Variants in FAM114A2 observed in about 807,000 individuals in gnomAD.
FAM114A2 encodes family with sequence similarity 114 member A2.
In FAM114A2, 53 loss-of-function variants were observed where a neutral mutation model predicts 58.4. The ratio of observed to expected loss-of-function variants is 0.91; its 90% CI spans 0.73 to 1.14. The LOEUF is 1.14. Ranked by LOEUF, FAM114A2 falls within the 50% of genes most tolerant of loss-of-function variation. The pLI, the probability that FAM114A2 is intolerant of heterozygous loss-of-function variation, is 0.00. For missense variants in FAM114A2, 601 were observed against 581.1 expected (o/e 1.03, Z -0.35); for synonymous variants, 228 against 211.4 (o/e 1.08, Z -0.68).
intron 4 of FAM114A2, among the ~76,000 whole-genome samples, chr5:154,030,075 A>G (rs1772080288): frequency 6.6e-6 from 1 of 152,210 alleles, no homozygotes; most frequent in African/African-American, 2.4e-5. Context: ...ATCACAGTGT[A>G]CTATGATTAC....
At chr5:154,006,246 T>G (rs145166163) in intron 9 of FAM114A2, among the ~76,000 whole-genome samples, 1 of 152,294 alleles carries the variant, frequency 6.6e-6, no homozygotes, top group East Asian at 1.9e-4. Context: ...GTGCTGGGGA[T>G]TCAATGGTGA....
At chr5:154,027,774 T>G (rs1296656966) in intron 6 of FAM114A2, among the ~76,000 whole-genome samples, 1 of 152,184 alleles carries the variant, frequency 6.6e-6, no homozygotes, top group East Asian at 1.9e-4. Flanking sequence ...GTGCTGGTAT[T>G]ACAGCCGTGA....
Position 153,993,085 on chromosome 5 carries a change from T to C in FAM114A2, c.1409A>G (p.Gln470Arg), listed in dbSNP as rs1581751323. Reference sequence around the variant, plus strand: ...AGGTAAGAGTAGCTGAAAGGCGTCCTGGATGTAGGAGGCACTGTTTGATGC... The same window carrying C: ...AGGTAAGAGTAGCTGAAAGGCGTCCCGGATGTAGGAGGCACTGTTTGATGC... ...LEASNSASYI[Q>R]DAFQLLLPVL... The change falls in exon 14 of 14, where the codon CAG becomes CGG. Residue 470 changes from glutamine to arginine, a missense_variant. Coordinates refer to ENST00000351797, the MANE Select transcript of FAM114A2 (RefSeq NM_018691.4). 2 of 1,612,268 alleles carry C rather than the reference T, an allele frequency of 1.2e-6. No individual in the cohort carries two copies. The highest frequency in any genetic ancestry group is 8.5e-7 in the Non-Finnish European group (1 of 1,178,920).
intron 2 of FAM114A2, 73 bp from the exon 3 acceptor site, chr5:154,034,450 G>A: frequency 1.1e-6 from 1 of 899,690 alleles, no homozygotes; most frequent in East Asian, 2.5e-5. Context: ...AGAATGTACA[G>A]ACAAGGTATC....
chr5:154,007,117 G>C (rs1330370790), intron 9 of FAM114A2, among the ~76,000 whole-genome samples: 1 of 152,068 alleles, frequency 6.6e-6, no homozygotes, highest in African/African-American at 2.4e-5. Context: ...AGTAGGCATA[G>C]AGCATACCCA....
intron 3 of FAM114A2, 46 bp from the exon 4 acceptor site, chr5:154,033,929 T>A: frequency 1.7e-6 from 2 of 1,205,936 alleles, no homozygotes; most frequent in South Asian, 1.3e-5. Context: ...TCACCAAAAC[T>A]GAAGAAACAA....
intron 1 of FAM114A2, chr5:154,038,367 A>G (rs1772738214): frequency 6.6e-6 from 1 of 152,212 alleles, no homozygotes; most frequent in Non-Finnish European, 1.5e-5. Flanking sequence ...TCCTGCAGCG[A>G]TTGTGGGGAA....
intron 11 of FAM114A2, among the ~76,000 whole-genome samples, chr5:154,000,364 C>A (rs748747098): frequency 1.3e-5 from 2 of 152,098 alleles, no homozygotes; most frequent in Non-Finnish European, 2.9e-5. Flanking sequence ...TGAAATGATA[C>A]CAACATATAG....
intron 13 of FAM114A2, among the ~76,000 whole-genome samples, chr5:153,993,709 T>C (rs2113149342): frequency 6.6e-6 from 1 of 152,046 alleles, no homozygotes; most frequent in Admixed American, 6.6e-5. Context: ...CCCTCACCTT[T>C]CAAAAGAATA....
At chr5:154,003,973 TG>T (rs1215671897) in intron 9 of FAM114A2, among the ~76,000 whole-genome samples, 1 of 152,202 alleles carries the variant, frequency 6.6e-6, no homozygotes, top group African/African-American at 2.4e-5. Flanking sequence ...TCTATACCAT[TG>T]TGTTGCAACT....
At chr5:154,001,339 G>A (rs1769956600) in intron 11 of FAM114A2, among the ~76,000 whole-genome samples, 1 of 152,152 alleles carries the variant, frequency 6.6e-6, no homozygotes, top group African/African-American at 2.4e-5. Context: ...CTAAAAAGGT[G>A]GCATTTGAGT....
intron 8 of FAM114A2, chr5:154,026,195 T>C (rs983210518): frequency 1.6e-5 from 5 of 315,558 alleles, no homozygotes; most frequent in African/African-American, 1.1e-4. Flanking sequence ...CAGGGAGACA[T>C]GGGCATAAGG....
chr5:154,009,382 T>A (rs1243912671), intron 9 of FAM114A2, among the ~76,000 whole-genome samples: 1 of 152,004 alleles, frequency 6.6e-6, no homozygotes, highest in East Asian at 1.9e-4. Context: ...AGCATACTGA[T>A]AACAAATTAA....
intron 8 of FAM114A2, among the ~76,000 whole-genome samples, chr5:154,015,601 T>C (rs1260084816): frequency 6.6e-6 from 1 of 152,098 alleles, no homozygotes; most frequent in Non-Finnish European, 1.5e-5. Context: ...AAATACCCCA[T>C]GGGACAAAAG....
chr5:154,023,843 G>T (rs1254468636), intron 8 of FAM114A2, among the ~76,000 whole-genome samples: 2 of 151,914 alleles, frequency 1.3e-5, no homozygotes, highest in South Asian at 4.2e-4. Context: ...AATTATAAAT[G>T]ATATACATGT....
At chr5:154,003,177 G>GCTTTTTTTTTTT in intron 9 of FAM114A2, among the ~76,000 whole-genome samples, 1 of 134,882 alleles carries the variant, frequency 7.4e-6, no homozygotes, top group African/African-American at 2.7e-5. Flanking sequence ...CTAATTGGTA[G>GCTTTTTTTTTTT]TATTTTTTTT....
intron 12 of FAM114A2, among the ~76,000 whole-genome samples, chr5:153,997,429 T>C (rs1209849175): frequency 6.6e-6 from 1 of 152,170 alleles, no homozygotes; most frequent in African/African-American, 2.4e-5. Context: ...AAAGTATTAA[T>C]ACATGCTACA....
At chr5:154,035,663 T>C (rs1772507782) in intron 1 of FAM114A2, among the ~76,000 whole-genome samples, 1 of 152,222 alleles carries the variant, frequency 6.6e-6, no homozygotes, top group Non-Finnish European at 1.5e-5. Context: ...GTATAGGTTT[T>C]TGGGGGAACA....
chr5:154,005,546 T>C (rs1770294863), intron 9 of FAM114A2, among the ~76,000 whole-genome samples: 1 of 152,038 alleles, frequency 6.6e-6, no homozygotes, highest in African/African-American at 2.4e-5. Context: ...TCCCTAAGAA[T>C]GAAGCCAAAA....
Sources: gnomAD v4.1 joint callset for allele counts (sites outside exome capture counted in the v4.1 genomes callset) on GRCh38, gnomAD v4.1.1 for gene constraint, MANE v1.5 for transcripts, NCBI Gene and HGNC (gene_info 2026-07-23, HGNC 2026-07-21) for gene names.